The following PTPRM variants were observed in gnomAD, a reference collection of about 807,000 sequenced individuals.
PTPRM encodes the protein receptor-type tyrosine-protein phosphatase mu.
Under a neutral mutation model 186.7 loss-of-function variants are expected in PTPRM, and 47 were observed. The observed-to-expected ratio is 0.25, with a 90% CI of 0.20 to 0.32. The LOEUF is 0.32. Ranked by LOEUF, PTPRM falls within the 10% of genes least tolerant of loss-of-function variation. The pLI is 1.00. For synonymous variants in PTPRM, 668 were observed against 674.9 expected (o/e 0.99, Z 0.16); for missense variants, 1,494 against 1,865.0 (o/e 0.80, Z 3.66).
chr18:8,275,182 T>C (rs2094819376), intron 19 of PTPRM, among the ~76,000 whole-genome samples: 1 of 152,154 alleles, frequency 6.6e-6, no homozygotes, highest in Non-Finnish European at 1.5e-5. Flanking sequence ...CTCATACCTG[T>C]AATCTTAGCA....
chr18:8,285,666 C>T (rs916880694), intron 19 of PTPRM, among the ~76,000 whole-genome samples: 4 of 152,118 alleles, frequency 2.6e-5, no homozygotes, highest in East Asian at 1.9e-4. Context: ...TTTGTTGTCT[C>T]GACTTTTTCT....
intron 14 of PTPRM, among the ~76,000 whole-genome samples, chr18:8,165,167 C>CAA (rs59978316): frequency 1.4e-4 from 14 of 103,308 alleles, no homozygotes; most frequent in Admixed American, 5.5e-4. Flanking sequence ...GACTCCATCT[C>CAA]AAAAAAAAAA....
At chr18:7,672,093 G>C (rs748957373) in intron 1 of PTPRM, among the ~76,000 whole-genome samples, 5 of 152,156 alleles carry the variant, frequency 3.3e-5, no homozygotes, top group Non-Finnish European at 5.9e-5. Flanking sequence ...TTAGAAACGG[G>C]CTTCACAAGC....
At chr18:8,061,476 A>T (rs1390962856) in intron 7 of PTPRM, among the ~76,000 whole-genome samples, 1 of 95,184 alleles carries the variant, frequency 1.1e-5, no homozygotes, top group Non-Finnish European at 2.2e-5. Context: ...TAATATTGTT[A>T]TGTGTGAATT....
intron 14 of PTPRM, among the ~76,000 whole-genome samples, chr18:8,200,574 C>A (rs2093841707): frequency 6.6e-6 from 1 of 152,242 alleles, no homozygotes; most frequent in Non-Finnish European, 1.5e-5. Context: ...CCGCACGCAG[C>A]CCATCTGGCC....
At chr18:8,113,311 C>G (rs908986974) in intron 11 of PTPRM, among the ~76,000 whole-genome samples, 175 bp from the exon 12 acceptor site, 6 of 152,138 alleles carry the variant, frequency 3.9e-5, no homozygotes, top group African/African-American at 1.2e-4. Context: ...AAGAACCCTC[C>G]CTGTCTTTCA....
chr18:8,328,101 A>G (rs2095389353), intron 22 of PTPRM, among the ~76,000 whole-genome samples: 1 of 152,304 alleles, frequency 6.6e-6, no homozygotes, highest in African/African-American at 2.4e-5. Context: ...TTCTATCTTT[A>G]TTCCACATAC....
chr18:8,138,085 C>T (rs371905302), intron 13 of PTPRM, among the ~76,000 whole-genome samples: 28 of 152,288 alleles, frequency 1.8e-4, no homozygotes, highest in African/African-American at 2.9e-4. Flanking sequence ...CCCACGTTCA[C>T]GGCTTCATCC....
At chr18:7,983,797 A>G (rs1033395115) in intron 7 of PTPRM, among the ~76,000 whole-genome samples, 15 of 152,296 alleles carry the variant, frequency 9.8e-5, no homozygotes, top group Admixed American at 4.6e-4. Context: ...CACTTATTTA[A>G]TGTGTGTTTA....
At chr18:8,229,418 A>C (rs1322485417) in intron 14 of PTPRM, among the ~76,000 whole-genome samples, 1 of 152,238 alleles carries the variant, frequency 6.6e-6, no homozygotes, top group Non-Finnish European at 1.5e-5. Flanking sequence ...AACACTCTAC[A>C]GTTAGAAAAC....
At chr18:8,041,791 A>G (rs543605759) in intron 7 of PTPRM, among the ~76,000 whole-genome samples, 1 of 152,328 alleles carries the variant, frequency 6.6e-6, no homozygotes, top group South Asian at 2.1e-4. Context: ...GTATATGTCT[A>G]TACTCTTTTA....
At chr18:7,722,559 A>G (rs2040468019) in intron 1 of PTPRM, among the ~76,000 whole-genome samples, 1 of 152,234 alleles carries the variant, frequency 6.6e-6, no homozygotes. Flanking sequence ...TATAAATTGG[A>G]TATAAAGAAA....
At chr18:7,987,996 G>A (rs888093842) in intron 7 of PTPRM, among the ~76,000 whole-genome samples, 9 of 134,766 alleles carry the variant, frequency 6.7e-5, no homozygotes, top group Non-Finnish European at 7.8e-5. Flanking sequence ...GGACAACATA[G>A]TGAGACCCTG....
chr18:8,141,879 T>A (rs1011304662), intron 13 of PTPRM, among the ~76,000 whole-genome samples: 1 of 152,242 alleles, frequency 6.6e-6, no homozygotes, highest in African/African-American at 2.4e-5. Context: ...TTTTTCAGTT[T>A]CGTGAATTTC....
chr18:7,842,382 C>T (rs1383033406), intron 2 of PTPRM, among the ~76,000 whole-genome samples: 1 of 152,152 alleles, frequency 6.6e-6, no homozygotes, highest in Non-Finnish European at 1.5e-5. Flanking sequence ...CCCAACTAAC[C>T]AATGAAGTGT....
intron 11 of PTPRM, among the ~76,000 whole-genome samples, chr18:8,108,897 A>G (rs1393335828): frequency 6.6e-6 from 1 of 152,342 alleles, no homozygotes; most frequent in East Asian, 1.9e-4. Context: ...GGACAGGGCT[A>G]GGGTGGTGCA....
At chr18:7,992,964 A>G (rs2083338603) in intron 7 of PTPRM, among the ~76,000 whole-genome samples, 1 of 151,994 alleles carries the variant, frequency 6.6e-6, no homozygotes, top group Non-Finnish European at 1.5e-5. Flanking sequence ...AAGAATACAT[A>G]TTTACAAACA....
At chr18:8,032,651 A>C (rs1480231944) in intron 7 of PTPRM, among the ~76,000 whole-genome samples, 1 of 152,168 alleles carries the variant, frequency 6.6e-6, no homozygotes, top group East Asian at 1.9e-4. Context: ...TGAAACTAAT[A>C]AAAAATAAAT....
Position 8,217,787 on chromosome 18 carries a change from A to T in PTPRM, c.2301-26271A>T, listed in dbSNP as rs117615946. On this transcript the variant is annotated intron_variant, in intron 14 of 32. Coordinates refer to ENST00000580170, the MANE Select transcript of PTPRM (RefSeq NM_001105244.2). ...GTGGTCAGCATTCATATATTTCCGTACATCACTACACGTATACACCTTTAC... is the reference window on the plus strand; with the variant it reads ...GTGGTCAGCATTCATATATTTCCGTTCATCACTACACGTATACACCTTTAC... Among the ~76,000 whole-genome samples the T allele has an allele frequency of 7.5e-3, 1,146 of 152,288 alleles. 5 individuals carry two copies. Among genetic ancestry groups the T allele is most frequent in the Non-Finnish European group, 0.013 (876 of 68,024 alleles).
Sources: gnomAD v4.1 joint callset for allele counts (sites outside exome capture counted in the v4.1 genomes callset) on GRCh38, gnomAD v4.1.1 for gene constraint, MANE v1.5 for transcripts, NCBI Gene and HGNC (gene_info 2026-07-23, HGNC 2026-07-21) for gene names.